Variants in TBC1D32 observed in about 807,000 individuals in gnomAD.
TBC1D32 encodes the protein protein broad-minded.
A neutral mutation model predicts 170.3 loss-of-function variants in TBC1D32; 151 were observed. The observed-to-expected ratio is 0.89, with a 90% CI of 0.78 to 1.01. The LOEUF is 1.01. Ranked by LOEUF, TBC1D32 falls within the 50% of genes least tolerant of loss-of-function variation. The pLI is 0.00. For missense variants in TBC1D32, 1,464 were observed against 1,457.1 expected (o/e 1.00, Z -0.08); for synonymous variants, 498 against 488.0 (o/e 1.02, Z -0.27).
At chr6:121,316,573 T>C (rs1261610872) in intron 3 of TBC1D32, among the ~76,000 whole-genome samples, 2 of 152,146 alleles carry the variant, frequency 1.3e-5, no homozygotes, top group Non-Finnish European at 2.9e-5. Flanking sequence ...GTAATCAATT[T>C]GACTTGTAAA....
intron 22 of TBC1D32, among the ~76,000 whole-genome samples, chr6:121,162,447 T>A (rs922348473): frequency 2.0e-4 from 30 of 152,130 alleles, no homozygotes; most frequent in Non-Finnish European, 3.5e-4. Context: ...GACAGTATCA[T>A]ACTAAATGAG....
intron 22 of TBC1D32, among the ~76,000 whole-genome samples, chr6:121,173,006 A>T (rs2074509155): frequency 1.3e-5 from 2 of 152,178 alleles, no homozygotes; most frequent in South Asian, 4.2e-4. Context: ...TTGAGTGTTA[A>T]CTTGATTGTA....
At chr6:121,310,957 AAGG>A (rs1019490141) in intron 3 of TBC1D32, 110 bp from the exon 4 acceptor site, 6 of 688,826 alleles carry the variant, frequency 8.7e-6, no homozygotes, top group African/African-American at 7.3e-5. Flanking sequence ...CAGACAAGAG[AAGG>A]AGATGATCTA....
intron 20 of TBC1D32, among the ~76,000 whole-genome samples, chr6:121,226,348 G>C (rs534175248): frequency 2.0e-5 from 3 of 152,222 alleles, no homozygotes; most frequent in African/African-American, 7.2e-5. Flanking sequence ...CAGCAATGTA[G>C]GGAGAGGTGA....
Position 121,303,765 on chromosome 6 carries a change from A to G in TBC1D32, c.936-4T>C, listed in dbSNP as rs1422868224. The G allele has an allele frequency of 2.0e-6, 3 of 1,512,800 alleles. No homozygotes were observed. The highest frequency in any genetic ancestry group is 1.4e-5 in the African/African-American group (1 of 72,846). The allele number at this position is 1,512,800 out of a possible 1,614,324, so 93.7% of individuals were successfully genotyped here. ...CTCCACAATTTCTTCCATATACCTT[A>G]AAGTTTGGGAAAAAAGAAATACAAT... On this transcript the variant is annotated splice_region_variant and splice_polypyrimidine_tract_variant and intron_variant, in intron 8 of 31. Transcript: ENST00000398212.
chr6:121,087,749 A>G, intron 31 of TBC1D32, among the ~76,000 whole-genome samples: 1 of 152,316 alleles, frequency 6.6e-6, no homozygotes, highest in South Asian at 2.1e-4. Flanking sequence ...GTTTTATGAT[A>G]AAAGAAGTAT....
At chr6:121,179,343 T>A (rs1292643159) in intron 22 of TBC1D32, among the ~76,000 whole-genome samples, 1 of 150,426 alleles carries the variant, frequency 6.6e-6, no homozygotes, top group Non-Finnish European at 1.5e-5. Flanking sequence ...ATAGGTGGCC[T>A]GTAAAAAAAA....
At chr6:121,162,150 C>A (rs1462737886) in intron 22 of TBC1D32, among the ~76,000 whole-genome samples, 2 of 152,088 alleles carry the variant, frequency 1.3e-5, no homozygotes, top group African/African-American at 2.4e-5. Flanking sequence ...GGTTGTCTGT[C>A]CACTCTGATG....
chr6:121,238,928 A>C (rs1796631576), intron 20 of TBC1D32, 142 bp downstream of exon 20: 2 of 449,040 alleles, frequency 4.5e-6, no homozygotes, highest in Admixed American at 3.4e-5. Flanking sequence ...AAATAAAAAT[A>C]ATAGTTTGAA....
At chr6:121,102,699 A>C (rs1436790490) in intron 30 of TBC1D32, among the ~76,000 whole-genome samples, 2 of 152,176 alleles carry the variant, frequency 1.3e-5, no homozygotes, top group Non-Finnish European at 2.9e-5. Context: ...CATGACTAAG[A>C]CACCAAAAGC....
intron 15 of TBC1D32, among the ~76,000 whole-genome samples, chr6:121,275,410 G>A (rs923645789): frequency 2.0e-5 from 3 of 152,006 alleles, no homozygotes; most frequent in African/African-American, 7.2e-5. Context: ...AGTTTTAAAT[G>A]GACAAATGAT....
intron 22 of TBC1D32, among the ~76,000 whole-genome samples, chr6:121,201,985 G>A (rs1791628827): frequency 6.6e-6 from 1 of 151,180 alleles, no homozygotes; most frequent in South Asian, 2.1e-4. Flanking sequence ...TATTTTGTTT[G>A]TTTTTGTAGA....
chr6:121,098,202 A>C (rs1777637483), intron 30 of TBC1D32, among the ~76,000 whole-genome samples: 1 of 147,948 alleles, frequency 6.8e-6, no homozygotes, highest in East Asian at 1.9e-4. Context: ...GAATAATAAT[A>C]ATAATAATAA....
intron 31 of TBC1D32, among the ~76,000 whole-genome samples, chr6:121,089,017 T>C (rs1409599443): frequency 2.0e-5 from 3 of 152,116 alleles, no homozygotes; most frequent in Admixed American, 1.3e-4. Context: ...AAATCAACAT[T>C]AATCAAATTT....
At chr6:121,236,105 G>A (rs1385168388) in intron 20 of TBC1D32, among the ~76,000 whole-genome samples, 1 of 145,230 alleles carries the variant, frequency 6.9e-6, no homozygotes, top group Non-Finnish European at 1.5e-5. Flanking sequence ...ACCTTATTCT[G>A]TGTTTGGTTT....
At chr6:121,177,948 C>T (rs1401332586) in intron 22 of TBC1D32, among the ~76,000 whole-genome samples, 2 of 152,068 alleles carry the variant, frequency 1.3e-5, no homozygotes, top group Admixed American at 1.3e-4. Context: ...TAAAGACATA[C>T]CCAAGACTGG....
chr6:121,294,253 A>G (rs1199401326), intron 11 of TBC1D32, among the ~76,000 whole-genome samples: 3 of 152,162 alleles, frequency 2.0e-5, no homozygotes, highest in South Asian at 2.1e-4. Context: ...TGACTGATAC[A>G]TTATTGAAGG....
chr6:121,211,206 T>C (rs567948480), intron 21 of TBC1D32, among the ~76,000 whole-genome samples: 2 of 152,260 alleles, frequency 1.3e-5, no homozygotes, highest in African/African-American at 2.4e-5. Context: ...TATACTGCTA[T>C]AGAGTCATCT....
chr6:121,277,256 G>T (rs79779168), intron 15 of TBC1D32, among the ~76,000 whole-genome samples: 2 of 152,164 alleles, frequency 1.3e-5, no homozygotes, highest in East Asian at 3.9e-4. Context: ...TGGGGGCCAA[G>T]GCAGGTGAAT....
Sources: gnomAD v4.1 joint callset for allele counts (sites outside exome capture counted in the v4.1 genomes callset) on GRCh38, gnomAD v4.1.1 for gene constraint, MANE v1.5 for transcripts, NCBI Gene and HGNC (gene_info 2026-07-23, HGNC 2026-07-21) for gene names.